Variants in DNMT3A observed in about 807,000 individuals in gnomAD.
DNMT3A encodes the protein DNA methyltransferase 3 alpha, also known as DNA (cytosine-5)-methyltransferase 3A.
Under a neutral mutation model 117.6 loss-of-function variants are expected in DNMT3A, and 267 were observed. The observed-to-expected ratio is 2.27, with a 90% CI of 2.05 to 2.51. The LOEUF (loss-of-function observed/expected upper bound fraction) is 2.51. DNMT3A is among the 30% of genes most tolerant of loss of function. DNMT3A has a pLI of 0.00. For synonymous variants in DNMT3A, 432 were observed against 474.8 expected (o/e 0.91, Z 1.17); for missense variants, 1,029 against 1,260.2 (o/e 0.82, Z 2.78).
intron 1 of DNMT3A, among the ~76,000 whole-genome samples, chr2:25,322,627 T>C: frequency 6.7e-6 from 1 of 148,840 alleles, no homozygotes; most frequent in South Asian, 2.2e-4. Context: ...TCAGGACTGC[T>C]CCCCTGCACC....
intron 1 of DNMT3A, chr2:25,328,758 C>T (rs1396077685): frequency 6.2e-6 from 3 of 481,618 alleles, no homozygotes; most frequent in Non-Finnish European, 4.3e-6. Context: ...CCCCAAGGCA[C>T]TGCGTCAGTG....
At chr2:25,249,572 C>A (rs1321587826) in intron 6 of DNMT3A, 5 of 1,462,662 alleles carry the variant, frequency 3.4e-6, no homozygotes, top group Non-Finnish European at 4.8e-6. Flanking sequence ...GCACTATAGA[C>A]CAGGCGTGCT....
chr2:25,315,237 G>A lies in DNMT3A; in HGVS notation c.-177-1076C>T, dbSNP rs544999242. 1.6e-4 allele frequency among the ~76,000 whole-genome samples: 24 copies of A among 152,308 alleles called. No individual in the cohort carries two copies. In the South Asian group the frequency reaches 2.3e-3, roughly 14 times the overall value. Reference sequence around the variant, plus strand: ...CAGGGCTCCCTGGAAAACCAGGACCGGGAGAAAGCACAGGCTTGGCTCTCC... The same window carrying A: ...CAGGGCTCCCTGGAAAACCAGGACCAGGAGAAAGCACAGGCTTGGCTCTCC... On this transcript the variant is annotated intron_variant, in intron 1 of 22. Coordinates refer to ENST00000321117, the MANE Select transcript of DNMT3A (RefSeq NM_022552.5).
Position 25,236,955 on chromosome 2 carries a change from T to A in DNMT3A, c.2459A>T (p.Glu820Val). The A allele has an allele frequency of 6.2e-7, 1 of 1,613,534 alleles. No homozygotes were observed. The highest frequency in any genetic ancestry group is 8.5e-7 in the Non-Finnish European group (1 of 1,179,838). Residue 820 changes from glutamate to valine, a missense_variant, in exon 21 of 23, where the codon GAG becomes GTG. Physicochemically the swap from Glu to Val is moderately radical, Grantham distance 121. Coordinates refer to ENST00000321117, the MANE Select transcript of DNMT3A (RefSeq NM_022552.5). This position sits in a 1 kb window ranked among gnomAD's most constrained non-coding sequence, Gnocchi z 4.5. ...GCTGACCTTGGCTATCCTGCCATGC[T>A]CCAGACACTCCTGCAGCTCCAGCTT... ...NDKLELQECL[E>V]HGRIAKFSKV...
rs1015979538 is a variant in DNMT3A, at chr2:25,306,776, A to G, written c.73-6533T>C. On this transcript the variant is annotated intron_variant, in intron 2 of 22. Transcript: ENST00000321117. The surrounding 1 kb of genome is among the most constrained non-coding windows in gnomAD (Gnocchi z 4.1). The stretch of plus-strand genomic sequence containing the variant: ...CACTAAAAAAATCTATTGAGCACCT[A>G]CTGTGTACTGGATACAAAGATAAAC... 3.9e-5 allele frequency among the ~76,000 whole-genome samples: 6 copies of G among 152,338 alleles called. No homozygotes were observed. The highest frequency in any genetic ancestry group is 1.4e-4 in the African/African-American group (6 of 41,586).
In DNMT3A at chr2:25,233,064, G is replaced by A. The variant is rs1672954150; in HGVS notation, c.*1215C>T. ...GGATTAGTTCTGATCCCACCACAAG[G>A]AGCCCTCGAATTGGCTAAAGTGAGA... On this transcript the variant is annotated 3_prime_UTR_variant, in exon 23 of 23. Transcript: ENST00000321117. 1 of 233,474 alleles carries A rather than the reference G, an allele frequency of 4.3e-6. No homozygotes were observed. Among genetic ancestry groups the A allele is most frequent in the South Asian group, 1.8e-4 (1 of 5,522 alleles). The allele number at this position is 233,474 out of a possible 1,614,324, so 14.5% of individuals were successfully genotyped here.
At chr2:25,307,628 G>C (rs1034428921) in intron 2 of DNMT3A, among the ~76,000 whole-genome samples, 2 of 152,054 alleles carry the variant, frequency 1.3e-5, no homozygotes, top group African/African-American at 4.8e-5. Context: ...ACCACGCTGG[G>C]CTAATTTTTG....
At chr2:25,258,778 T>C (rs2149339900) in intron 6 of DNMT3A, among the ~76,000 whole-genome samples, 1 of 152,238 alleles carries the variant, frequency 6.6e-6, no homozygotes, top group Middle Eastern at 3.4e-3. Flanking sequence ...CAGACAGGAA[T>C]GGCCAGATCT....
chr2:25,245,422 A>AAGGGGTGTGCCAG, intron 12 of DNMT3A, 90 bp from the exon 13 acceptor site: 1 of 1,227,406 alleles, frequency 8.1e-7, no homozygotes, highest in Non-Finnish European at 1.2e-6. Context: ...AGCCACAAAA[A>AAGGGGTGTGCCAG]AGGGGTGTGC....
At chr2:25,262,433 TTCA>T (rs1676698157) in intron 6 of DNMT3A, among the ~76,000 whole-genome samples, 1 of 152,074 alleles carries the variant, frequency 6.6e-6, no homozygotes, top group Middle Eastern at 3.2e-3. Context: ...AAATGAAAAG[TTCA>T]CTGTATCATC....
Position 25,337,281 on chromosome 2 carries a change from A to G in DNMT3A, c.-178+4545T>C, listed in dbSNP as rs2035250763. Among the ~76,000 whole-genome samples, 1 of 152,184 alleles carries G rather than the reference A, an allele frequency of 6.6e-6. No individual in the cohort carries two copies. The highest frequency in any genetic ancestry group is 2.4e-5 in the African/African-American group (1 of 41,432). On this transcript the variant is annotated intron_variant, in intron 1 of 22. Coordinates refer to ENST00000321117, the MANE Select transcript of DNMT3A (RefSeq NM_022552.5). This position sits in a 1 kb window ranked among gnomAD's most constrained non-coding sequence, Gnocchi z 5.0. ...TCGGCACTTTCCTCATCTGACCAAG[A>G]TTCTGCAAAAGACACAGGAAGGTGG...
At chr2:25,299,465 G>A (rs915375725) in intron 3 of DNMT3A, among the ~76,000 whole-genome samples, 3 of 152,208 alleles carry the variant, frequency 2.0e-5, no homozygotes, top group Non-Finnish European at 4.4e-5. Context: ...GGTAGGGAGG[G>A]GCCTTCATAG....
Position 25,305,084 on chromosome 2 carries a change from G to A in DNMT3A, c.73-4841C>T, listed in dbSNP as rs546579303. On this transcript the variant is annotated intron_variant, in intron 2 of 22. Coordinates refer to ENST00000321117, the MANE Select transcript of DNMT3A (RefSeq NM_022552.5). This position sits in a 1 kb window ranked among gnomAD's most constrained non-coding sequence, Gnocchi z 4.1. ...TTGATGAATGACTGTCACAGAGTAG[G>A]TGCCTGACGTGAGTCCATAGACGCA... Among the ~76,000 whole-genome samples, 3 of 152,348 alleles carry A rather than the reference G, an allele frequency of 2.0e-5. No individual in the cohort carries two copies. In the East Asian group the frequency reaches 5.8e-4, roughly 29 times the overall value.
At position 25,237,831 on chromosome 2, in the gene DNMT3A, A is replaced by T. The variant is rs887439215; in HGVS notation, c.2409-826T>A. 1.3e-5 allele frequency among the ~76,000 whole-genome samples: 2 copies of T among 152,164 alleles called. No individual in the cohort carries two copies. Among genetic ancestry groups the T allele is most frequent in the Non-Finnish European group, 2.9e-5 (2 of 68,030 alleles). The stretch of plus-strand genomic sequence containing the variant: ...AAGACCAAAAATTCTGTGACATTAA[A>T]TATGTCACTTCTCAGGGTGCAGGCC... On this transcript the variant is annotated intron_variant, in intron 20 of 22. Transcript: ENST00000321117. This position sits in a 1 kb window ranked among gnomAD's most constrained non-coding sequence, Gnocchi z 5.4.
chr2:25,328,608 G>A (rs1290828953), intron 1 of DNMT3A: 4 of 480,766 alleles, frequency 8.3e-6, no homozygotes, highest in Admixed American at 4.7e-5. Flanking sequence ...CTTGTCCCCC[G>A]CAACCCCGTT....
At chr2:25,246,983 T>C (rs1674876165) in intron 9 of DNMT3A, 68 bp downstream of exon 9, 1 of 1,561,354 alleles carries the variant, frequency 6.4e-7, no homozygotes, top group Non-Finnish European at 8.7e-7. Context: ...AAGCCCGACC[T>C]GCACTCCAAC....
intron 1 of DNMT3A, among the ~76,000 whole-genome samples, chr2:25,329,706 C>G (rs1015193197): frequency 6.6e-6 from 1 of 150,808 alleles, no homozygotes. Flanking sequence ...CACACACACA[C>G]ACACACAGAC....
chr2:25,241,464 G>C, intron 17 of DNMT3A, 98 bp downstream of exon 17: 1 of 1,465,092 alleles, frequency 6.8e-7, no homozygotes, highest in Non-Finnish European at 9.1e-7. Flanking sequence ...TGAAGAGAAA[G>C]AGGGCAAATG....
chr2:25,269,559 G>A (rs1287134751), intron 6 of DNMT3A, among the ~76,000 whole-genome samples: 1 of 152,210 alleles, frequency 6.6e-6, no homozygotes, highest in African/African-American at 2.4e-5. Context: ...AGTGAAAGTG[G>A]GGTGGGCTGA....
Sources: allele counts gnomAD v4.1 joint callset (sites outside exome capture counted in the v4.1 genomes callset), GRCh38; gene constraint gnomAD v4.1.1; non-coding constraint Gnocchi (gnomAD v3.1); transcripts MANE v1.5; gene names NCBI Gene and HGNC (gene_info 2026-07-23, HGNC 2026-07-21).